Variants in CYTH3 observed in about 807,000 individuals in gnomAD.
CYTH3 encodes the protein cytohesin-3.
In CYTH3, 23 loss-of-function variants were observed where a neutral mutation model predicts 55.1. The observed-to-expected ratio is 0.42, with a 90% CI of 0.30 to 0.59. The LOEUF is 0.59. Ranked by LOEUF, CYTH3 falls within the 20% of genes least tolerant of loss-of-function variation. CYTH3 has a pLI of 0.20. For synonymous variants in CYTH3, 249 were observed against 194.9 expected (o/e 1.28, Z -2.31); for missense variants, 413 against 524.8 (o/e 0.79, Z 2.08).
At chr7:6,255,947 T>G (rs1335134752) in intron 1 of CYTH3, among the ~76,000 whole-genome samples, 1 of 152,072 alleles carries the variant, frequency 6.6e-6, no homozygotes, top group African/African-American at 2.4e-5. Flanking sequence ...GTATTTTTAG[T>G]AGAGACAGGG....
chr7:6,216,841 G>T (rs956231606), intron 1 of CYTH3, among the ~76,000 whole-genome samples: 1 of 75,414 alleles, frequency 1.3e-5, no homozygotes, highest in Non-Finnish European at 2.8e-5. Flanking sequence ...ACAGGAAAAA[G>T]AAAACAAAAA....
At chr7:6,236,783 G>A (rs897774902) in intron 1 of CYTH3, among the ~76,000 whole-genome samples, 5 of 151,944 alleles carry the variant, frequency 3.3e-5, no homozygotes, top group African/African-American at 1.2e-4. Flanking sequence ...GGCTGGTCTT[G>A]AACTCCTGAC....
intron 5 of CYTH3, 102 bp from the exon 6 acceptor site, chr7:6,173,835 G>T: frequency 1.4e-6 from 1 of 732,516 alleles, no homozygotes; most frequent in Non-Finnish European, 2.5e-6. Context: ...TCATGCACAA[G>T]TTTCTGCATG....
intron 1 of CYTH3, among the ~76,000 whole-genome samples, chr7:6,196,752 C>T (rs534607598): frequency 3.2e-4 from 49 of 152,076 alleles, no homozygotes; most frequent in Non-Finnish European, 4.9e-4. Context: ...TGAGCCACCG[C>T]GCCCAGCCGC....
chr7:6,235,800 G>C (rs139572157), intron 1 of CYTH3, among the ~76,000 whole-genome samples: 299 of 151,384 alleles, frequency 2.0e-3, no homozygotes, highest in African/African-American at 6.9e-3. Context: ...CAAATGTGGA[G>C]TTTTCTATTC....
chr7:6,168,582 C>T (rs1036420607), intron 9 of CYTH3, among the ~76,000 whole-genome samples: 2 of 152,164 alleles, frequency 1.3e-5, no homozygotes, highest in Non-Finnish European at 2.9e-5. Flanking sequence ...AGGTGCTCAC[C>T]GGGCCGCCCA....
At chr7:6,202,304 A>C (rs1784073881) in intron 1 of CYTH3, among the ~76,000 whole-genome samples, 1 of 152,188 alleles carries the variant, frequency 6.6e-6, no homozygotes, top group South Asian at 2.1e-4. Context: ...CCAAGGCCCC[A>C]GACGAACGCG....
intron 1 of CYTH3, among the ~76,000 whole-genome samples, chr7:6,266,073 T>C (rs1376547654): frequency 1.3e-5 from 2 of 152,134 alleles, no homozygotes; most frequent in Non-Finnish European, 2.9e-5. Context: ...ATATATATCC[T>C]TCCCTCCATA....
At chr7:6,214,532 C>T (rs769164035) in intron 1 of CYTH3, among the ~76,000 whole-genome samples, 6 of 152,064 alleles carry the variant, frequency 3.9e-5, no homozygotes, top group Non-Finnish European at 5.9e-5. Context: ...GGTGCTTTTT[C>T]CAAAGAGAAG....
chr7:6,258,116 A>G (rs1409520326), intron 1 of CYTH3, among the ~76,000 whole-genome samples: 2 of 152,132 alleles, frequency 1.3e-5, no homozygotes, highest in African/African-American at 4.8e-5. Flanking sequence ...TCTACAAAAA[A>G]TATTTTTTGT....
At chr7:6,260,281 T>C (rs1780319406) in intron 1 of CYTH3, among the ~76,000 whole-genome samples, 1 of 152,184 alleles carries the variant, frequency 6.6e-6, no homozygotes, top group African/African-American at 2.4e-5. Flanking sequence ...AAACTATATC[T>C]ACCTCTCCCA....
At position 6,196,594 on chromosome 7, in the gene CYTH3, G is replaced by C. The variant is rs906168578; in HGVS notation, c.35-6063C>G. Reference sequence around the variant, plus strand: ...CCTGCCCCAGCCTCACAAGTAGCTGGGATTATAGGCACGCACCACCATGCC... The same window carrying C: ...CCTGCCCCAGCCTCACAAGTAGCTGCGATTATAGGCACGCACCACCATGCC... On this transcript the variant is annotated intron_variant, in intron 1 of 12. Transcript: ENST00000350796. Among the ~76,000 whole-genome samples the C allele has an allele frequency of 2.1e-4, 32 of 151,562 alleles. No homozygotes were observed. In the South Asian group the frequency reaches 4.8e-3, roughly 23 times the overall value.
intron 1 of CYTH3, among the ~76,000 whole-genome samples, chr7:6,239,747 AAAG>A (rs1388415477): frequency 1.3e-5 from 2 of 152,236 alleles, no homozygotes; most frequent in African/African-American, 2.4e-5. Context: ...CTAAAGTAGA[AAAG>A]AATACTTCAT....
chr7:6,204,235 G>A (rs1376068204), intron 1 of CYTH3, among the ~76,000 whole-genome samples: 1 of 152,154 alleles, frequency 6.6e-6, no homozygotes, highest in Non-Finnish European at 1.5e-5. Context: ...CACCCAACAG[G>A]TGTGCAATAT....
chr7:6,165,934 G>A, intron 9 of CYTH3, 124 bp from the exon 10 acceptor site: 1 of 925,712 alleles, frequency 1.1e-6, no homozygotes, highest in Non-Finnish European at 1.7e-6. Context: ...CCAGGCTTGG[G>A]TTCAGGTGTC....
chr7:6,249,737 T>C (rs1359321658), intron 1 of CYTH3, among the ~76,000 whole-genome samples: 3 of 152,234 alleles, frequency 2.0e-5, no homozygotes, highest in African/African-American at 7.2e-5. Context: ...TGAGATACAA[T>C]TGACAACTAA....
chr7:6,187,100 T>C lies in CYTH3; in HGVS notation c.199A>G (p.Asn67Asp). The change falls in exon 4 of 13, where the codon AAC becomes GAC. Residue 67 changes from asparagine (N) to aspartate (D), a missense_variant. Transcript: ENST00000350796. ...TTTCTTCCCATGGCTATCTGTTTGT[T>C]CCTCTGAGTCGTTTTGCTATTGGTG... The part of the protein sequence containing the change: ...SVEESKTTQR[N>D]KQIAMGRKKF... 1 of 1,614,196 alleles carries C rather than the reference T, an allele frequency of 6.2e-7. No homozygotes were observed. The highest frequency in any genetic ancestry group is 8.5e-7 in the Non-Finnish European group (1 of 1,180,024).
intron 1 of CYTH3, among the ~76,000 whole-genome samples, chr7:6,213,350 G>A (rs919702678): frequency 6.6e-6 from 1 of 152,170 alleles, no homozygotes; most frequent in Non-Finnish European, 1.5e-5. Flanking sequence ...GTTGTTGCAT[G>A]GTATAGAAAA....
chr7:6,271,021 G>A (rs1780635583), intron 1 of CYTH3, among the ~76,000 whole-genome samples: 1 of 152,052 alleles, frequency 6.6e-6, no homozygotes, highest in Admixed American at 6.6e-5. Context: ...TTCTAACAAG[G>A]GAAAACAGCT....
Sources: gnomAD v4.1 joint callset for allele counts (sites outside exome capture counted in the v4.1 genomes callset) on GRCh38, gnomAD v4.1.1 for gene constraint, MANE v1.5 for transcripts, NCBI Gene and HGNC (gene_info 2026-07-23, HGNC 2026-07-21) for gene names.